Variants in GALNT17 observed in about 807,000 individuals in gnomAD.
The protein encoded by GALNT17 is UDP-GalNAc:polypeptide N-acetylgalactosaminyltransferase-like 3.
In GALNT17, 29 loss-of-function variants were observed where a neutral mutation model predicts 63.7. The ratio of observed to expected loss-of-function variants is 0.46; its 90% CI spans 0.34 to 0.62. GALNT17 has a LOEUF of 0.62. Ranked by LOEUF, GALNT17 falls within the 20% of genes least tolerant of loss-of-function variation. The pLI is 0.01. For synonymous variants in GALNT17, 305 were observed against 318.3 expected, an observed-to-expected ratio of 0.96 and a Z score of 0.45; for missense variants, 603 against 799.6, an observed-to-expected ratio of 0.75 and a Z score of 2.97.
In GALNT17 at chr7:71,132,499, A is replaced by C; in HGVS notation, c.-304A>C. 2 of 323,286 alleles carry C rather than the reference A, an allele frequency of 6.2e-6. No individual in the cohort carries two copies. Among genetic ancestry groups the C allele is most frequent in the African/African-American group, 2.2e-5 (1 of 46,100 alleles). The allele number at this position is 323,286 out of a possible 1,614,324, so 20.0% of individuals were successfully genotyped here. A position where few individuals can be genotyped will look rare whatever the true frequency, so the allele number is the denominator to read the frequency against. On this transcript the variant is annotated 5_prime_UTR_variant, in exon 1 of 11. Transcript: ENST00000333538. ...AACCACTTGCTGGTGCAGAAGAGAA[A>C]CCCTCAAATCCCTGGCCTTTCGCGG...
At chr7:71,699,006 T>C (rs1311979178) in intron 9 of GALNT17, among the ~76,000 whole-genome samples, 1 of 151,304 alleles carries the variant, frequency 6.6e-6, no homozygotes, top group Non-Finnish European at 1.5e-5. Flanking sequence ...ACCCTGTCTC[T>C]ACTAAAATAC....
chr7:71,446,565 T>G (rs546045593), intron 5 of GALNT17, among the ~76,000 whole-genome samples: 3 of 152,244 alleles, frequency 2.0e-5, no homozygotes, highest in Non-Finnish European at 4.4e-5. Flanking sequence ...TTATTTATTT[T>G]GAGGTGGAGT....
intron 5 of GALNT17, among the ~76,000 whole-genome samples, chr7:71,553,627 T>G (rs2116837098): frequency 6.6e-6 from 1 of 152,354 alleles, no homozygotes; most frequent in East Asian, 1.9e-4. Context: ...TTAAAACCTG[T>G]AACACAATTT....
intron 1 of GALNT17, among the ~76,000 whole-genome samples, chr7:71,235,925 A>T (rs2116456016): frequency 6.6e-6 from 1 of 152,280 alleles, no homozygotes; most frequent in East Asian, 1.9e-4. Flanking sequence ...TACGCCTTTA[A>T]TCCCAGCACT....
chr7:71,257,989 C>G (rs1790318289), intron 1 of GALNT17, among the ~76,000 whole-genome samples: 1 of 152,150 alleles, frequency 6.6e-6, no homozygotes, highest in Non-Finnish European at 1.5e-5. Context: ...CTTCTAAACC[C>G]AAATCATCGC....
At position 71,321,906 on chromosome 7, in the gene GALNT17, C is replaced by CCTTT. The variant is rs1563001127; in HGVS notation, c.239-13641_239-13640insTCTT. Among the ~76,000 whole-genome samples, 141 of 104,956 alleles carry CCTTT rather than the reference C, an allele frequency of 1.3e-3. 4 individuals are homozygous for CCTTT. The highest frequency in any genetic ancestry group is 2.1e-3 in the Non-Finnish European group (112 of 53,176). 68.9% of individuals were successfully genotyped at this position (104,956 alleles called of 152,430 possible). A position where few individuals can be genotyped will look rare whatever the true frequency, so the allele number is the denominator to read the frequency against. On this transcript the variant is annotated intron_variant, in intron 1 of 10. Coordinates refer to ENST00000333538, the MANE Select transcript of GALNT17 (RefSeq NM_022479.3). ...TCCTTCCTTCCTTCCTTCCTTCCTT[C>CCTTT]CTTCCTTCCTTCCTTCCCCTCCCTC...
intron 5 of GALNT17, among the ~76,000 whole-genome samples, chr7:71,550,403 T>C (rs1789056176): frequency 6.6e-6 from 1 of 152,110 alleles, no homozygotes; most frequent in Non-Finnish European, 1.5e-5. Context: ...TCTTTTGAGA[T>C]GGAGTCTCGC....
At chr7:71,294,319 T>C (rs905224923) in intron 1 of GALNT17, among the ~76,000 whole-genome samples, 1 of 152,114 alleles carries the variant, frequency 6.6e-6, no homozygotes, top group Non-Finnish European at 1.5e-5. Context: ...TATTATTTCT[T>C]TAAATAAGCT....
chr7:71,336,806 G>A (rs1344269473), intron 2 of GALNT17, among the ~76,000 whole-genome samples: 2 of 152,132 alleles, frequency 1.3e-5, no homozygotes, highest in South Asian at 2.1e-4. Context: ...ACATACCTGT[G>A]CATGTGTCTT....
chr7:71,586,771 C>T (rs1358114589), intron 6 of GALNT17, among the ~76,000 whole-genome samples: 1 of 151,146 alleles, frequency 6.6e-6, no homozygotes, highest in East Asian at 1.9e-4. Flanking sequence ...TTTGGGGGTA[C>T]ATGTGATAAT....
At chr7:71,455,090 C>G (rs1033064747) in intron 5 of GALNT17, among the ~76,000 whole-genome samples, 21 of 151,692 alleles carry the variant, frequency 1.4e-4, no homozygotes, top group African/African-American at 5.1e-4. Context: ...ATTACATGAG[C>G]CTGGGAGGTC....
intron 1 of GALNT17, among the ~76,000 whole-genome samples, chr7:71,145,639 T>A (rs996648623): frequency 6.6e-6 from 1 of 152,162 alleles, no homozygotes. Flanking sequence ...GCAAGCTTGG[T>A]TTATTTTCAT....
intron 6 of GALNT17, among the ~76,000 whole-genome samples, chr7:71,579,846 A>G (rs1346873805): frequency 6.6e-6 from 1 of 151,678 alleles, no homozygotes; most frequent in Non-Finnish European, 1.5e-5. Flanking sequence ...AGGTAGACAA[A>G]TAGATAGGTA....
intron 5 of GALNT17, among the ~76,000 whole-genome samples, chr7:71,445,826 C>CT (rs1563098795): frequency 1.3e-5 from 2 of 151,924 alleles, no homozygotes; most frequent in Non-Finnish European, 2.9e-5. Context: ...CTTAATGCCT[C>CT]TGCACACTCA....
intron 3 of GALNT17, among the ~76,000 whole-genome samples, chr7:71,410,634 G>A (rs966133249): frequency 2.0e-5 from 3 of 152,198 alleles, no homozygotes; most frequent in African/African-American, 7.2e-5. Context: ...GCCCAGGGAT[G>A]GTACCGATAG....
intron 5 of GALNT17, among the ~76,000 whole-genome samples, chr7:71,441,038 T>C (rs1028977820): frequency 6.6e-6 from 1 of 152,044 alleles, no homozygotes; most frequent in Non-Finnish European, 1.5e-5. Context: ...TTGGTTTTTT[T>C]TTGGAGATGG....
intron 6 of GALNT17, among the ~76,000 whole-genome samples, chr7:71,647,121 G>A (rs1244420434): frequency 2.0e-5 from 3 of 151,854 alleles, no homozygotes; most frequent in Non-Finnish European, 4.4e-5. Context: ...CTGGAGTGCA[G>A]TGGTGCGATC....
At chr7:71,190,739 C>T (rs756832733) in intron 1 of GALNT17, among the ~76,000 whole-genome samples, 2 of 152,028 alleles carry the variant, frequency 1.3e-5, no homozygotes, top group Admixed American at 6.6e-5. Context: ...TCAAGTGATC[C>T]TCCCACCTCA....
At chr7:71,594,604 A>G (rs1789859971) in intron 6 of GALNT17, among the ~76,000 whole-genome samples, 2 of 152,098 alleles carry the variant, frequency 1.3e-5, no homozygotes. Context: ...CCAGGATATC[A>G]TGAGAAACTC....
Sources: gnomAD v4.1 joint callset for allele counts (sites outside exome capture counted in the v4.1 genomes callset) on GRCh38, gnomAD v4.1.1 for gene constraint, MANE v1.5 for transcripts, NCBI Gene and HGNC (gene_info 2026-07-23, HGNC 2026-07-21) for gene names.